NXNL2: variants seen among roughly 807,000 people sequenced by gnomAD.
NXNL2 encodes the protein nucleoredoxin like 2.
Under a neutral mutation model 11.1 loss-of-function variants are expected in NXNL2, and 7 were observed. The observed-to-expected ratio is 0.63, with a 90% CI of 0.36 to 1.18. The LOEUF is 1.18. Among genes scored for constraint, NXNL2 ranks in the 50% most tolerant of loss-of-function variants. The pLI, the probability that NXNL2 is intolerant of heterozygous loss-of-function variation, is 0.02. For synonymous variants in NXNL2, 109 were observed against 101.8 expected (o/e 1.07, Z -0.42); for missense variants, 233 against 217.7 (o/e 1.07, Z -0.44).
chr9:88,582,223 A>G (rs931112350), intron 1 of NXNL2, among the ~76,000 whole-genome samples: 3 of 152,202 alleles, frequency 2.0e-5, no homozygotes, highest in East Asian at 3.9e-4. Flanking sequence ...TCACGCCTGT[A>G]ATCCCAGCAC....
chr9:88,537,659 C>T (rs1326270604), intron 1 of NXNL2, among the ~76,000 whole-genome samples: 1 of 152,210 alleles, frequency 6.6e-6, no homozygotes, highest in African/African-American at 2.4e-5. Flanking sequence ...GTGTTCCCAT[C>T]TGATTGGCTC....
chr9:88,565,522 T>A (rs1175076084), intron 1 of NXNL2, among the ~76,000 whole-genome samples: 1 of 152,140 alleles, frequency 6.6e-6, no homozygotes, highest in Non-Finnish European at 1.5e-5. Flanking sequence ...TCTCTAACAC[T>A]TGTATTTTAA....
chr9:88,547,776 G>A (rs551965274), downstream of NXNL2, among the ~76,000 whole-genome samples: 164 of 152,244 alleles, frequency 1.1e-3, 5 homozygotes, highest in Admixed American at 8.0e-3. Context: ...CAGCACTTCC[G>A]GAGGCCGAGG....
intron 1 of NXNL2, among the ~76,000 whole-genome samples, chr9:88,566,999 T>TCTATCTAC (rs1554706814): frequency 1.2e-4 from 17 of 145,796 alleles, no homozygotes; most frequent in Admixed American, 9.4e-4. Flanking sequence ...TATCTATCTA[T>TCTATCTAC]CTATCTATCT....
chr9:88,549,835 T>G (rs1829902454), downstream of NXNL2, among the ~76,000 whole-genome samples: 3 of 152,090 alleles, frequency 2.0e-5, no homozygotes, highest in South Asian at 6.2e-4. Flanking sequence ...TGCCACACAC[T>G]TTTTTTGTTT....
chr9:88,571,782 G>T (rs1187722397), intron 2 of NXNL2, among the ~76,000 whole-genome samples: 1 of 152,164 alleles, frequency 6.6e-6, no homozygotes, highest in Non-Finnish European at 1.5e-5. Flanking sequence ...AACACCTGGG[G>T]GCATCTCACT....
At chr9:88,570,559 T>C (rs1830245819) in intron 1 of NXNL2, among the ~76,000 whole-genome samples, 1 of 152,172 alleles carries the variant, frequency 6.6e-6, no homozygotes, top group Non-Finnish European at 1.5e-5. Flanking sequence ...GTTTCCTCAT[T>C]TGTAAAATGG....
chr9:88,580,606 AACAGT>A (rs1830399076), downstream of NXNL2, among the ~76,000 whole-genome samples: 1 of 152,298 alleles, frequency 6.6e-6, no homozygotes, highest in African/African-American at 2.4e-5. Context: ...AAGTTGCAAA[AACAGT>A]ACAAAAATTT....
chr9:88,535,426 G>C lies in NXNL2; in HGVS notation c.-9G>C. On this transcript the variant is annotated 5_prime_UTR_variant, in exon 1 of 2. Coordinates refer to ENST00000375854, the MANE Select transcript of NXNL2 (RefSeq NM_001161625.2). ...GTCCTCGGGTCTCAGGTGGCTGCGT[G>C]TCTGCGCCATGGTTGACATTCTGGG... is the stretch of plus-strand genomic sequence containing the variant. The C allele has an allele frequency of 6.3e-7, 1 of 1,588,012 alleles. No individual in the cohort carries two copies. The highest frequency in any genetic ancestry group is 8.5e-7 in the Non-Finnish European group (1 of 1,169,670).
intron 1 of NXNL2, among the ~76,000 whole-genome samples, chr9:88,552,721 A>G (rs112120836): frequency 0.031 from 4,677 of 152,194 alleles, 244 homozygotes; most frequent in African/African-American, 0.11. Context: ...CGCCCACCTC[A>G]GCCTCCCAAA....
At chr9:88,566,501 CCA>C (rs1830171967) in intron 1 of NXNL2, among the ~76,000 whole-genome samples, 1 of 152,106 alleles carries the variant, frequency 6.6e-6, no homozygotes. Context: ...CAGGGTTTCA[CCA>C]TGTTGACCAG....
At chr9:88,549,959 C>T (rs554070051), downstream of NXNL2, among the ~76,000 whole-genome samples, 38 of 152,148 alleles carry the variant, frequency 2.5e-4, no homozygotes, top group African/African-American at 8.9e-4. Context: ...TGAGTAGCTG[C>T]GATTACAGGC....
intron 1 of NXNL2, among the ~76,000 whole-genome samples, chr9:88,551,736 T>C (rs1829935397): frequency 6.6e-6 from 1 of 152,226 alleles, no homozygotes; most frequent in South Asian, 2.1e-4. Context: ...AGCTCCCCTA[T>C]AGAGTGATCC....
At chr9:88,571,302 T>G (rs1830262203) in intron 2 of NXNL2, 1 of 226,344 alleles carries the variant, frequency 4.4e-6, no homozygotes, top group Non-Finnish European at 8.8e-6. Context: ...CTCCTGACCT[T>G]CAGGTGATCC....
intron 1 of NXNL2, among the ~76,000 whole-genome samples, chr9:88,564,285 T>TCATCTATCTATCTATC (rs1554706562): frequency 1.4e-5 from 2 of 140,160 alleles, no homozygotes; most frequent in African/African-American, 5.5e-5. Flanking sequence ...TATCTATCTA[T>TCATCTATCTATCTATC]TATCTATCTA....
At chr9:88,545,538 T>A (rs1315321450), downstream of NXNL2, among the ~76,000 whole-genome samples, 1 of 152,160 alleles carries the variant, frequency 6.6e-6, no homozygotes, top group Non-Finnish European at 1.5e-5. Context: ...AGTGAACCTG[T>A]GCCACTGAGA....
chr9:88,570,413 T>C (rs1805256267), intron 1 of NXNL2, among the ~76,000 whole-genome samples: 1 of 152,080 alleles, frequency 6.6e-6, no homozygotes, highest in Admixed American at 6.5e-5. Context: ...CCACCATGCC[T>C]GGCAGGTTTT....
chr9:88,573,263 C>T (rs898884258), intron 2 of NXNL2, among the ~76,000 whole-genome samples: 2 of 152,066 alleles, frequency 1.3e-5, no homozygotes, highest in Admixed American at 1.3e-4. Flanking sequence ...CCTACCTCAG[C>T]CTCCCGGAGA....
At chr9:88,546,954 C>T (rs1829853901), downstream of NXNL2, among the ~76,000 whole-genome samples, 1 of 152,168 alleles carries the variant, frequency 6.6e-6, no homozygotes, top group Admixed American at 6.5e-5. Context: ...AAAGTCACCA[C>T]CTTTTTATTT....
Sources: gnomAD v4.1 joint callset for allele counts (sites outside exome capture counted in the v4.1 genomes callset) on GRCh38, gnomAD v4.1.1 for gene constraint, MANE v1.5 for transcripts, NCBI Gene and HGNC (gene_info 2026-07-23, HGNC 2026-07-21) for gene names.